The following KCNMA1 variants were observed in gnomAD, a reference collection of about 807,000 sequenced individuals.
KCNMA1 encodes Calcium-activated potassium channel subunit alpha-1.
A neutral mutation model predicts 140.0 loss-of-function variants in KCNMA1; 29 were observed. The ratio of observed to expected loss-of-function variants is 0.21; its 90% CI spans 0.15 to 0.28. The LOEUF is 0.28. Among genes scored for constraint, KCNMA1 ranks in the 10% least tolerant of loss-of-function variants. The pLI is 1.00. For synonymous variants in KCNMA1, 612 were observed against 611.9 expected, an observed-to-expected ratio of 1.00 and a Z score of 0.00; for missense variants, 880 against 1,602.2, an observed-to-expected ratio of 0.55 and a Z score of 7.70.
intron 25 of KCNMA1, among the ~76,000 whole-genome samples, chr10:76,896,266 A>G (rs1271945964): frequency 2.0e-5 from 3 of 152,220 alleles, no homozygotes; most frequent in African/African-American, 7.2e-5. Context: ...TACTGGGGAA[A>G]GAATTCAGCA....
intron 1 of KCNMA1, among the ~76,000 whole-genome samples, chr10:77,573,743 C>G (rs1476448438): frequency 6.6e-6 from 1 of 151,204 alleles, no homozygotes; most frequent in African/African-American, 2.4e-5. Flanking sequence ...GTACCTCGCT[C>G]AACAGGGACA....
chr10:77,168,500 G>A (rs2098668012), intron 5 of KCNMA1, among the ~76,000 whole-genome samples: 1 of 152,122 alleles, frequency 6.6e-6, no homozygotes, highest in Non-Finnish European at 1.5e-5. Context: ...CAGCATTACT[G>A]TACTGAATAC....
At chr10:77,305,642 G>A (rs1044505608) in intron 2 of KCNMA1, among the ~76,000 whole-genome samples, 1 of 152,198 alleles carries the variant, frequency 6.6e-6, no homozygotes, top group African/African-American at 2.4e-5. Context: ...TGATAAAACA[G>A]TGAACAAATA....
chr10:77,198,678 A>G (rs115864728), intron 3 of KCNMA1, among the ~76,000 whole-genome samples: 1,783 of 151,574 alleles, frequency 0.012, 33 homozygotes, highest in African/African-American at 0.035. Flanking sequence ...TGTCAAGGCT[A>G]CACTGGATAT....
At chr10:77,168,741 C>T (rs1380341833) in intron 5 of KCNMA1, among the ~76,000 whole-genome samples, 2 of 152,114 alleles carry the variant, frequency 1.3e-5, no homozygotes, top group Non-Finnish European at 2.9e-5. Context: ...GAGAAAAATT[C>T]ATGTTCAGGT....
intron 12 of KCNMA1, among the ~76,000 whole-genome samples, chr10:77,082,007 C>CTTTTTTTTTTTTTTTTTTTTT (rs201288668): frequency 6.2e-5 from 2 of 32,508 alleles, no homozygotes; most frequent in African/African-American, 1.8e-4. Flanking sequence ...TTTTTCTTTT[C>CTTTTTTTTTTTTTTTTTTTTT]TTTTTTTTTT....
At chr10:77,536,146 G>C (rs2058829248) in intron 1 of KCNMA1, among the ~76,000 whole-genome samples, 1 of 152,146 alleles carries the variant, frequency 6.6e-6, no homozygotes, top group Non-Finnish European at 1.5e-5. Flanking sequence ...ACTATCACAG[G>C]GGCCTCATAA....
chr10:77,265,291 A>G (rs933917099), intron 2 of KCNMA1, among the ~76,000 whole-genome samples: 4 of 152,138 alleles, frequency 2.6e-5, no homozygotes, highest in Non-Finnish European at 5.9e-5. Flanking sequence ...ACCTCAAATG[A>G]TCCAACCGCC....
In KCNMA1 at chr10:77,438,935, G is replaced by T. The variant is rs528110543; in HGVS notation, c.379-34912C>A. 5.8e-4 allele frequency among the ~76,000 whole-genome samples: 89 copies of T among 152,202 alleles called. 1 individual carries two copies. The highest frequency in any genetic ancestry group is 2.1e-3 in the African/African-American group (89 of 41,510). On this transcript the variant is annotated intron_variant, in intron 1 of 27. Transcript: ENST00000286628. Reference sequence around the variant, plus strand: ...CCACTAAAAATACAAAAATTAGCCGGGGTGATGGTGCATGCCTGTGGTCCC... The same window carrying T: ...CCACTAAAAATACAAAAATTAGCCGTGGTGATGGTGCATGCCTGTGGTCCC...
intron 12 of KCNMA1, 47 bp from the exon 13 acceptor site, chr10:77,079,597 G>T: frequency 7.7e-7 from 1 of 1,295,414 alleles, no homozygotes; most frequent in Non-Finnish European, 1.1e-6. Flanking sequence ...CTTATGCATG[G>T]TGTCTGACAA....
intron 27 of KCNMA1, chr10:76,887,958 A>T: frequency 5.5e-6 from 1 of 180,258 alleles, no homozygotes; most frequent in Non-Finnish European, 1.2e-5. Flanking sequence ...CTCGCTCTTT[A>T]CCTTTTAAAA....
At chr10:76,925,722 C>T (rs1224642456) in intron 23 of KCNMA1, among the ~76,000 whole-genome samples, 1 of 152,078 alleles carries the variant, frequency 6.6e-6, no homozygotes. Context: ...TTTAAAATAC[C>T]AAATGCCAAA....
At chr10:76,967,694 A>G (rs1396697672) in intron 20 of KCNMA1, among the ~76,000 whole-genome samples, 1 of 152,028 alleles carries the variant, frequency 6.6e-6, no homozygotes, top group African/African-American at 2.4e-5. Context: ...GCGAAGGGAG[A>G]CCATGGTGGG....
intron 5 of KCNMA1, chr10:77,148,173 G>A (rs2098345100): frequency 6.6e-6 from 1 of 152,140 alleles, no homozygotes; most frequent in Admixed American, 6.5e-5. Flanking sequence ...TGCATTGCCT[G>A]TCACCTATGG....
At chr10:77,100,534 A>G (rs2097071331) in intron 9 of KCNMA1, among the ~76,000 whole-genome samples, 1 of 152,186 alleles carries the variant, frequency 6.6e-6, no homozygotes, top group South Asian at 2.1e-4. Context: ...AACTCTCACA[A>G]TGTATTGACC....
At chr10:77,538,645 C>A (rs557506597) in intron 1 of KCNMA1, among the ~76,000 whole-genome samples, 6 of 152,158 alleles carry the variant, frequency 3.9e-5, no homozygotes, top group Non-Finnish European at 8.8e-5. Flanking sequence ...CCTCAACAGC[C>A]CAGCTAGATG....
chr10:77,490,473 G>A (rs1224440985), intron 1 of KCNMA1, among the ~76,000 whole-genome samples: 3 of 152,146 alleles, frequency 2.0e-5, no homozygotes, highest in Non-Finnish European at 4.4e-5. Context: ...CACCCTGATT[G>A]AAGGGAATGA....
rs757935483 is a variant in KCNMA1 at position 77,086,587 on chromosome 10, G to A, written c.1341C>T (p.Ser447=). The change falls in exon 11 of 28, where the codon TCC becomes TCT. Residue 447 remains serine (S), a synonymous_variant. Coordinates refer to ENST00000286628, the MANE Select transcript of KCNMA1 (RefSeq NM_001161352.2). ...NVEIVFLHNI[S]PNLELEALFK... Reference sequence around the variant, plus strand: ...ACAGAGCTTCAAGCTCCAGGTTGGGGGAGATGCTACACAGGGAGAGAAGAA... The same window carrying A: ...ACAGAGCTTCAAGCTCCAGGTTGGGAGAGATGCTACACAGGGAGAGAAGAA... 5 of 1,611,894 alleles carry A rather than the reference G, an allele frequency of 3.1e-6. No individual in the cohort carries two copies. The highest frequency in any genetic ancestry group is 4.2e-6 in the Non-Finnish European group (5 of 1,177,996).
intron 1 of KCNMA1, among the ~76,000 whole-genome samples, chr10:77,592,220 G>A (rs989922021): frequency 6.6e-6 from 1 of 152,048 alleles, no homozygotes; most frequent in Non-Finnish European, 1.5e-5. Context: ...TATACAGACC[G>A]CCTATGAAAA....
Sources: gnomAD v4.1 joint callset for allele counts (sites outside exome capture counted in the v4.1 genomes callset) on GRCh38, gnomAD v4.1.1 for gene constraint, MANE v1.5 for transcripts, NCBI Gene and HGNC (gene_info 2026-07-23, HGNC 2026-07-21) for gene names.